GRIP1: variants seen among roughly 807,000 people sequenced by gnomAD.
The protein encoded by GRIP1 is glutamate receptor interacting protein 1.
GRIP1 carries 45 observed loss-of-function variants against 129.9 expected under a neutral mutation model. That is an observed-to-expected ratio of 0.35 (90% CI 0.27 to 0.44). The LOEUF (loss-of-function observed/expected upper bound fraction) is 0.44, where lower values mean the gene tolerates loss of function less well. Among genes scored for constraint, GRIP1 ranks in the 20% least tolerant of loss-of-function variants. The pLI, the probability that GRIP1 is intolerant of heterozygous loss-of-function variation, is 1.00. For missense variants in GRIP1, 1,196 were observed against 1,396.8 expected (o/e 0.86, Z 2.29); for synonymous variants, 530 against 520.8 (o/e 1.02, Z -0.24).
At chr12:66,507,174 C>T in intron 7 of GRIP1, among the ~76,000 whole-genome samples, 1 of 152,192 alleles carries the variant, frequency 6.6e-6, no homozygotes. Context: ...CGTGGTGGCT[C>T]ACGCCTGTAA....
At chr12:66,843,368 T>C (rs970779740) in intron 1 of GRIP1, among the ~76,000 whole-genome samples, 5 of 152,258 alleles carry the variant, frequency 3.3e-5, no homozygotes, top group African/African-American at 9.6e-5. Flanking sequence ...TGAGGGTTTA[T>C]TTAGGAGCTC....
At chr12:67,058,899 A>G (rs1248569510) in intron 1 of GRIP1, among the ~76,000 whole-genome samples, 1 of 152,224 alleles carries the variant, frequency 6.6e-6, no homozygotes, top group Non-Finnish European at 1.5e-5. Context: ...AAGAGAAAAA[A>G]GGAAAGGAGG....
chr12:66,801,206 T>C (rs1276703935), intron 1 of GRIP1, among the ~76,000 whole-genome samples: 1 of 152,002 alleles, frequency 6.6e-6, no homozygotes, highest in Non-Finnish European at 1.5e-5. Flanking sequence ...AACCCAGAAA[T>C]GTTTGGTGAC....
chr12:66,603,810 C>T (rs2064387292), intron 1 of GRIP1, among the ~76,000 whole-genome samples: 1 of 152,130 alleles, frequency 6.6e-6, no homozygotes, highest in Admixed American at 6.5e-5. Flanking sequence ...CATTTTAAAC[C>T]TCTCAACAAT....
intron 1 of GRIP1, among the ~76,000 whole-genome samples, chr12:66,942,907 T>C (rs2041610236): frequency 6.6e-6 from 1 of 152,150 alleles, no homozygotes; most frequent in Admixed American, 6.5e-5. Flanking sequence ...CGTGTGAGGA[T>C]AGGAGAAGAT....
intron 1 of GRIP1, among the ~76,000 whole-genome samples, chr12:66,972,201 C>T (rs540493589): frequency 6.6e-6 from 1 of 152,304 alleles, no homozygotes; most frequent in African/African-American, 2.4e-5. Context: ...CCCACTTAAA[C>T]ACCCTAAGGT....
At chr12:66,562,120 A>G (rs928058155) in intron 2 of GRIP1, among the ~76,000 whole-genome samples, 1 of 152,166 alleles carries the variant, frequency 6.6e-6, no homozygotes, top group Non-Finnish European at 1.5e-5. Flanking sequence ...AAAACAAAAT[A>G]AAACAAAAGA....
Position 66,355,845 on chromosome 12 carries a change from C to T in GRIP1, c.3013-2282G>A, listed in dbSNP as rs1344212454. 3.9e-5 allele frequency among the ~76,000 whole-genome samples: 6 copies of T among 152,174 alleles called. 1 individual carries two copies. Among genetic ancestry groups the T allele is most frequent in the Admixed American group, 2.6e-4 (4 of 15,274 alleles). ...ATTTTGACGGACAGAAAGGGCTTGT[C>T]CTGCACCTTATGAGGCTGAGGATCA... On this transcript the variant is annotated intron_variant, in intron 23 of 24. Coordinates refer to ENST00000359742, the MANE Select transcript of GRIP1 (RefSeq NM_001366722.1).
At chr12:66,590,457 T>A (rs552498300) in intron 2 of GRIP1, among the ~76,000 whole-genome samples, 1 of 152,198 alleles carries the variant, frequency 6.6e-6, no homozygotes, top group Non-Finnish European at 1.5e-5. Flanking sequence ...ACTCAGTATG[T>A]ACTCCCAGCC....
chr12:67,009,998 G>A (rs981883983), intron 1 of GRIP1, among the ~76,000 whole-genome samples: 2 of 152,096 alleles, frequency 1.3e-5, no homozygotes, highest in African/African-American at 4.8e-5. Context: ...ATGCAAGGGC[G>A]TATTTCTAGG....
chr12:66,632,355 C>T (rs576547783), intron 1 of GRIP1, among the ~76,000 whole-genome samples: 3 of 152,150 alleles, frequency 2.0e-5, no homozygotes, highest in African/African-American at 4.8e-5. Context: ...AATTGGAGCC[C>T]TTGGAGCTCT....
intron 1 of GRIP1, among the ~76,000 whole-genome samples, chr12:67,068,448 C>G (rs900391942): frequency 1.3e-5 from 2 of 152,070 alleles, no homozygotes; most frequent in African/African-American, 2.4e-5. Context: ...AGCCCCAGAC[C>G]CTGATCGAGG....
At chr12:66,942,747 T>A (rs570030473) in intron 1 of GRIP1, among the ~76,000 whole-genome samples, 21 of 152,292 alleles carry the variant, frequency 1.4e-4, no homozygotes, top group Non-Finnish European at 2.6e-4. Flanking sequence ...AAAATTTATA[T>A]GTTGAAATCC....
intron 10 of GRIP1, 148 bp downstream of exon 10, chr12:66,456,038 GA>G: frequency 2.4e-6 from 1 of 424,476 alleles, no homozygotes; most frequent in South Asian, 1.9e-5. Context: ...TGATGGAAAA[GA>G]AAAAAACCTA....
chr12:66,417,503 C>A (rs927733414), intron 15 of GRIP1, among the ~76,000 whole-genome samples: 1 of 152,062 alleles, frequency 6.6e-6, no homozygotes, highest in African/African-American at 2.4e-5. Context: ...GTCAAATTAT[C>A]CTTGCTTGCA....
chr12:67,019,103 G>C (rs1249966496), intron 1 of GRIP1, among the ~76,000 whole-genome samples: 1 of 152,136 alleles, frequency 6.6e-6, no homozygotes, highest in Non-Finnish European at 1.5e-5. Context: ...GGTTGAGAAA[G>C]GAGTAAAAAG....
chr12:66,926,659 T>C (rs942199669), intron 1 of GRIP1, among the ~76,000 whole-genome samples: 2 of 152,246 alleles, frequency 1.3e-5, no homozygotes, highest in African/African-American at 2.4e-5. Flanking sequence ...ATTTGGTTAG[T>C]AGGCCTTCAA....
chr12:66,553,843 C>T (rs1184593349), intron 2 of GRIP1, among the ~76,000 whole-genome samples: 1 of 151,984 alleles, frequency 6.6e-6, no homozygotes, highest in Non-Finnish European at 1.5e-5. Flanking sequence ...AGCCAACACC[C>T]ATGGAGGAAG....
At chr12:66,912,752 T>C (rs2041051589) in intron 1 of GRIP1, among the ~76,000 whole-genome samples, 3 of 152,182 alleles carry the variant, frequency 2.0e-5, no homozygotes, top group Admixed American at 1.3e-4. Flanking sequence ...CTAGTGAGGG[T>C]ATTTTTGTGG....
Sources: allele counts gnomAD v4.1 joint callset (sites outside exome capture counted in the v4.1 genomes callset), GRCh38; gene constraint gnomAD v4.1.1; transcripts MANE v1.5; gene names NCBI Gene and HGNC (gene_info 2026-07-23, HGNC 2026-07-21).